The following EHMT1 variants were observed in gnomAD, a reference collection of about 807,000 sequenced individuals.
EHMT1 encodes the protein euchromatic histone lysine methyltransferase 1, also known as histone-lysine N-methyltransferase EHMT1.
Under a neutral mutation model 147.2 loss-of-function variants are expected in EHMT1, and 15 were observed. The ratio of observed to expected loss-of-function variants is 0.10; its 90% confidence interval spans 0.07 to 0.16. EHMT1 has a LOEUF of 0.16. Among genes scored for constraint, EHMT1 ranks in the 10% least tolerant of loss-of-function variants. The probability of loss-of-function intolerance (pLI) is 1.00; values close to 1 mark genes in which losing one functional copy is unlikely to be tolerated. For missense variants in EHMT1, 1,587 were observed against 1,772.4 expected (o/e 0.90, Z 1.88); for synonymous variants, 795 against 709.6 (o/e 1.12, Z -1.91).
chr9:137,781,560 G>A (rs1951558456), intron 14 of EHMT1, among the ~76,000 whole-genome samples: 1 of 152,216 alleles, frequency 6.6e-6, no homozygotes. Context: ...GTAGGCTTCA[G>A]CTATAGGTAT....
intron 1 of EHMT1, among the ~76,000 whole-genome samples, chr9:137,691,380 G>T (rs944022912): frequency 2.1e-4 from 31 of 148,970 alleles, no homozygotes; most frequent in South Asian, 6.3e-4. Context: ...GTTTCTCTGT[G>T]TTGCCTAGTC....
At chr9:137,816,161 T>TGCGC in intron 23 of EHMT1, 99 bp downstream of exon 23, 1 of 1,037,848 alleles carries the variant, frequency 9.6e-7, no homozygotes, top group Non-Finnish European at 1.5e-6. Context: ...CGTGTTTGGA[T>TGCGC]GCACGCACAT....
chr9:137,739,680 C>T (rs1181919157), intron 4 of EHMT1, among the ~76,000 whole-genome samples: 5 of 152,252 alleles, frequency 3.3e-5, no homozygotes, highest in African/African-American at 1.2e-4. Context: ...GTAGAAGCTG[C>T]AGGTTGCTGC....
At chr9:137,812,465 G>C (rs1467247483) in intron 19 of EHMT1, among the ~76,000 whole-genome samples, 1 of 152,244 alleles carries the variant, frequency 6.6e-6, no homozygotes, top group African/African-American at 2.4e-5. Flanking sequence ...GGGAACTGTG[G>C]GTGCTCCAGG....
chr9:137,691,594 T>C (rs1023243064), intron 1 of EHMT1, among the ~76,000 whole-genome samples: 4 of 152,164 alleles, frequency 2.6e-5, no homozygotes, highest in Non-Finnish European at 5.9e-5. Flanking sequence ...GTTGTGAACA[T>C]GGTGTGTAAA....
At chr9:137,796,175 G>A (rs2137241537) in intron 16 of EHMT1, among the ~76,000 whole-genome samples, 1 of 152,348 alleles carries the variant, frequency 6.6e-6, no homozygotes, top group Non-Finnish European at 1.5e-5. Context: ...AGGTGAATCC[G>A]AGGAGAGGCA....
chr9:137,753,067 A>G (rs1299648120), intron 7 of EHMT1, among the ~76,000 whole-genome samples: 2 of 152,054 alleles, frequency 1.3e-5, no homozygotes, highest in African/African-American at 2.4e-5. Flanking sequence ...AGTCCCCAGG[A>G]TGGAGCCTCA....
intron 1 of EHMT1, among the ~76,000 whole-genome samples, chr9:137,677,700 A>G (rs1242601240): frequency 1.3e-5 from 2 of 152,102 alleles, no homozygotes; most frequent in Non-Finnish European, 2.9e-5. Flanking sequence ...ATAATTGACA[A>G]AAAGAGTTGG....
intron 1 of EHMT1, among the ~76,000 whole-genome samples, chr9:137,693,496 G>A (rs550375101): frequency 1.1e-4 from 17 of 152,198 alleles, no homozygotes; most frequent in Middle Eastern, 3.4e-3. Context: ...ACAGAGCTGG[G>A]ATTCGAATCT....
intron 1 of EHMT1, among the ~76,000 whole-genome samples, chr9:137,665,376 C>T (rs971885688): frequency 2.6e-5 from 4 of 152,210 alleles, no homozygotes; most frequent in South Asian, 4.1e-4. Context: ...CTGCTGTGCT[C>T]GAACCTGCGT....
chr9:137,635,776 T>TCCAC (rs2133719787), intron 1 of EHMT1, among the ~76,000 whole-genome samples: 1 of 151,142 alleles, frequency 6.6e-6, no homozygotes, highest in East Asian at 2.1e-4. Context: ...GCTGAGATGG[T>TCCAC]GCCACTGCTC....
chr9:137,734,945 A>G (rs1212944454), intron 4 of EHMT1, among the ~76,000 whole-genome samples: 2 of 152,260 alleles, frequency 1.3e-5, no homozygotes, highest in African/African-American at 4.8e-5. Context: ...AGAAATACTT[A>G]AAGGAGCCTA....
chr9:137,791,993 A>G (rs1360528698), intron 16 of EHMT1: 2 of 434,038 alleles, frequency 4.6e-6, no homozygotes, highest in Non-Finnish European at 9.5e-6. Context: ...TCAGCCTCCC[A>G]TGGTGCTGGG....
intron 1 of EHMT1, among the ~76,000 whole-genome samples, chr9:137,682,075 C>T (rs1007643478): frequency 1.2e-4 from 18 of 151,984 alleles, no homozygotes; most frequent in Admixed American, 2.0e-4. Context: ...CTCAGCCTCC[C>T]GAGTAGCTGG....
chr9:137,775,287 G>C lies in EHMT1; in HGVS notation c.1791+35G>C. 1.2e-6 allele frequency: 2 copies of C among 1,602,522 alleles called. No individual in the cohort carries two copies. Among genetic ancestry groups the C allele is most frequent in the Non-Finnish European group, 1.7e-6 (2 of 1,179,204 alleles). On this transcript the variant is annotated intron_variant, in intron 11 of 26. Transcript: ENST00000460843. The surrounding 1 kb of genome is among the most constrained non-coding windows in gnomAD (Gnocchi z 6.1). Reference sequence around the variant, plus strand: ...CAGTCCGGCAGCCTCTGAGTCCTCCGCAGGCTTTGCTGTCTGCTCACTGGT... The same window carrying C: ...CAGTCCGGCAGCCTCTGAGTCCTCCCCAGGCTTTGCTGTCTGCTCACTGGT...
chr9:137,713,732 T>C (rs1344101804), intron 2 of EHMT1, among the ~76,000 whole-genome samples: 1 of 151,868 alleles, frequency 6.6e-6, no homozygotes, highest in East Asian at 1.9e-4. Flanking sequence ...GGCAGATCAC[T>C]TGAGGTCAGG....
rs569310672 is a variant in EHMT1 at position 137,633,861 on chromosome 9, G to A, written c.21+14812G>A. ...TTTTTGAGACAGTCTCGCTCTTGTC[G>A]CCTAGGCTGGAGTGCAATCTAGTCT... On this transcript the variant is annotated intron_variant, in intron 1 of 26. Coordinates refer to ENST00000460843, the MANE Select transcript of EHMT1 (RefSeq NM_024757.5). 1.7e-4 allele frequency among the ~76,000 whole-genome samples: 25 copies of A among 143,432 alleles called. No individual in the cohort carries two copies. The East Asian group carries it at 3.8e-3, about 22-fold the overall frequency. The allele number at this position is 143,432 out of a possible 152,430, so 94.1% of individuals were successfully genotyped here. A position where few individuals can be genotyped will look rare whatever the true frequency, so the allele number is the denominator to read the frequency against.
At chr9:137,807,659 G>A (rs1360289646) in intron 18 of EHMT1, among the ~76,000 whole-genome samples, 10 of 151,894 alleles carry the variant, frequency 6.6e-5, no homozygotes, top group East Asian at 1.9e-4. Context: ...AGGCGCGCAC[G>A]ACCACGCCTG....
chr9:137,691,568 T>A (rs1358706423), intron 1 of EHMT1, among the ~76,000 whole-genome samples: 1 of 152,192 alleles, frequency 6.6e-6, no homozygotes, highest in African/African-American at 2.4e-5. Context: ...ACCCCTTGGC[T>A]ATTGCAAGCA....
Sources: gnomAD v4.1 joint callset for allele counts (sites outside exome capture counted in the v4.1 genomes callset) on GRCh38, gnomAD v4.1.1 for gene constraint, Gnocchi (gnomAD v3.1) non-coding constraint, MANE v1.5 for transcripts, NCBI Gene and HGNC (gene_info 2026-07-23, HGNC 2026-07-21) for gene names.